COPB2: variants seen among roughly 807,000 people sequenced by gnomAD.
COPB2 encodes coatomer subunit beta'.
COPB2 carries 16 observed loss-of-function variants against 120.8 expected under a neutral mutation model. That is an observed-to-expected ratio of 0.13 (90% confidence interval 0.09 to 0.20). The LOEUF (loss-of-function observed/expected upper bound fraction) is 0.20, where lower values mean the gene tolerates loss of function less well. COPB2 is among the 10% of genes least tolerant of loss of function. COPB2 has a pLI of 1.00. For synonymous variants in COPB2, 332 were observed against 366.3 expected (o/e 0.91, Z 1.07); for missense variants, 794 against 1,076.5 (o/e 0.74, Z 3.67).
intron 16 of COPB2, 52 bp from the exon 17 acceptor site, chr3:139,361,347 A>C: frequency 1.3e-6 from 2 of 1,527,834 alleles, no homozygotes; most frequent in South Asian, 1.1e-5. Flanking sequence ...AAGCATTTAC[A>C]TTTCCAACAT....
chr3:139,370,587 C>A (rs1377433361), intron 10 of COPB2, among the ~76,000 whole-genome samples: 1 of 152,094 alleles, frequency 6.6e-6, no homozygotes, highest in Non-Finnish European at 1.5e-5. Flanking sequence ...AAAACTGTGA[C>A]AAATGGTTCA....
intron 2 of COPB2, 180 bp downstream of exon 2, chr3:139,383,118 T>G: frequency 1.4e-6 from 1 of 697,122 alleles, no homozygotes; most frequent in Non-Finnish European, 2.5e-6. Flanking sequence ...CCAGGACAGT[T>G]TCTCCTACAA....
chr3:139,388,197 T>C (rs148348408), intron 1 of COPB2: 1 of 152,142 alleles, frequency 6.6e-6, no homozygotes. Context: ...AGGTAGTTAG[T>C]AATACGAAGT....
chr3:139,367,098 G>A lies in COPB2; in HGVS notation c.1593C>T (p.Gly531=), dbSNP rs754179602. 3 of 1,613,622 alleles carry A rather than the reference G, an allele frequency of 1.9e-6. No homozygotes were observed. The highest frequency in any genetic ancestry group is 1.7e-5 in the Admixed American group (1 of 59,954). The part of the protein sequence containing the change: ...QEIVKTGLWV[G]DCFIYTSSVN... ...CAGAACTTGTGTAAATGAAGCAATC[G>A]CCTACCCAAAGCCCTGTTTTCACAA... Residue 531 remains glycine, a synonymous_variant, in exon 14 of 22, where the codon GGC becomes GGT. Coordinates refer to ENST00000333188, the MANE Select transcript of COPB2 (RefSeq NM_004766.3).
chr3:139,379,040 C>T lies in COPB2; in HGVS notation c.355+7G>A. The T allele has an allele frequency of 6.3e-7, 1 of 1,582,246 alleles. No homozygotes were observed. Among genetic ancestry groups the T allele is most frequent in the East Asian group, 2.2e-5 (1 of 44,548 alleles). ...GACGCACATGACCAAAAAAGGTCAT[C>T]TCTTACCACTGCTAGTTAGAATGAA... On this transcript the variant is annotated splice_region_variant and intron_variant, in intron 4 of 21. Coordinates refer to ENST00000333188, the MANE Select transcript of COPB2 (RefSeq NM_004766.3).
intron 17 of COPB2, among the ~76,000 whole-genome samples, chr3:139,360,120 T>G (rs1039320523): frequency 2.6e-5 from 4 of 151,172 alleles, no homozygotes; most frequent in Admixed American, 2.6e-4. Context: ...TACAGGTATA[T>G]AAATTCATAA....
rs754065585 is a variant in COPB2, at chr3:139,368,223, C to T, written c.1467G>A (p.Lys489=). The T allele has an allele frequency of 8.1e-6, 13 of 1,613,730 alleles. No individual in the cohort carries two copies. Among genetic ancestry groups the T allele is most frequent in the East Asian group, 2.2e-5 (1 of 44,876 alleles). Residue 489 remains lysine (K), a synonymous_variant, in exon 13 of 22, where the codon AAG becomes AAA. Transcript: ENST00000333188. Reference sequence around the variant, plus strand: ...CAGCCAAGACTTTTTCTGACAGATACTTAAGGATAAAAAATGATTCCTCAG... The same window carrying T: ...CAGCCAAGACTTTTTCTGACAGATATTTAAGGATAAAAAATGATTCCTCAG... The part of the protein sequence containing the change: ...IATEESFFIL[K]YLSEKVLAAQ...
chr3:139,359,514 T>TA, intron 17 of COPB2, 152 bp from the exon 18 acceptor site: 1 of 672,448 alleles, frequency 1.5e-6, no homozygotes, highest in Non-Finnish European at 2.6e-6. Context: ...TAATGGTTGT[T>TA]AATCAACACA....
rs774002954 is a variant in COPB2, at chr3:139,379,073, G to A, written c.329C>T (p.Thr110Ile). 2.5e-6 allele frequency: 4 copies of A among 1,608,076 alleles called. No homozygotes were observed. The highest frequency in any genetic ancestry group is 2.2e-5 in the South Asian group (2 of 89,534). ...DYIRCIAVHP[T>I]QPFILTSSDD... ...ACTGCTAGTTAGAATGAAAGGCTGG[G>A]TTGGATGAACAGCAATACAGCGAAT... Residue 110 changes from threonine (T) to isoleucine (I), a missense_variant, in exon 4 of 22, where the codon ACC becomes ATC. This residue lies in a region of COPB2 where 610 missense variants were observed against 866.7 expected (regional missense o/e 0.70). Transcript: ENST00000333188.
intron 9 of COPB2, among the ~76,000 whole-genome samples, 199 bp from the exon 10 acceptor site, chr3:139,372,032 A>G (rs1405488310): frequency 6.6e-6 from 1 of 152,248 alleles, no homozygotes. Context: ...ACAAATTGAA[A>G]AGGAAATTAT....
intron 9 of COPB2, among the ~76,000 whole-genome samples, chr3:139,372,359 G>A (rs1239437608): frequency 1.3e-5 from 2 of 152,180 alleles, no homozygotes; most frequent in Non-Finnish European, 2.9e-5. Flanking sequence ...TGAGAAAACA[G>A]AATGCTGCAG....
At chr3:139,361,402 T>G (rs1941417115) in intron 16 of COPB2, 107 bp from the exon 17 acceptor site, 2 of 1,113,654 alleles carry the variant, frequency 1.8e-6, no homozygotes, top group African/African-American at 3.2e-5. Context: ...AGAGCTGTGT[T>G]TGTTAAGTTG....
intron 17 of COPB2, 134 bp downstream of exon 17, chr3:139,360,947 G>A: frequency 1.1e-6 from 1 of 915,378 alleles, no homozygotes; most frequent in Non-Finnish European, 1.7e-6. Flanking sequence ...AGGCAGCACT[G>A]TCCTGTTCTG....
In COPB2 at chr3:139,366,516, C is replaced by T. The variant is rs952144122; in HGVS notation, c.1884+52G>A. The T allele has an allele frequency of 2.0e-6, 3 of 1,508,576 alleles. No individual in the cohort carries two copies. In the African/African-American group the frequency reaches 4.2e-5, roughly 21 times the overall value. The allele number at this position is 1,508,576 out of a possible 1,614,324, so 93.4% of individuals were successfully genotyped here. ...AGTTTTTCAACTCCATAATAATTTG[C>T]TTTCAAATTGCAAGTTTTAAAAAAC... On this transcript the variant is annotated intron_variant, in intron 15 of 21. Coordinates refer to ENST00000333188, the MANE Select transcript of COPB2 (RefSeq NM_004766.3).
At chr3:139,389,359 T>G (rs1942005081) in intron 1 of COPB2, 189 bp downstream of exon 1, 1 of 948,722 alleles carries the variant, frequency 1.1e-6, no homozygotes, top group African/African-American at 1.7e-5. Flanking sequence ...CCTCCCCAAA[T>G]CACCCCGGTC....
chr3:139,365,163 T>TA (rs2107799254), intron 15 of COPB2, among the ~76,000 whole-genome samples: 1 of 152,170 alleles, frequency 6.6e-6, no homozygotes, highest in South Asian at 2.1e-4. Flanking sequence ...AGTTTCCCAT[T>TA]AAAAAAGCTC....
intron 2 of COPB2, chr3:139,380,299 C>A (rs72986758): frequency 0.14 from 21,665 of 152,196 alleles, 2,160 homozygotes; most frequent in African/African-American, 0.29. Flanking sequence ...GCGTGAGCCA[C>A]TGCACCTAGT....
chr3:139,372,369 G>A (rs965373103), intron 9 of COPB2, among the ~76,000 whole-genome samples: 1 of 152,208 alleles, frequency 6.6e-6, no homozygotes, highest in Non-Finnish European at 1.5e-5. Flanking sequence ...GAATGCTGCA[G>A]AGTCAACGAA....
chr3:139,372,687 T>C (rs1396024329), intron 9 of COPB2, among the ~76,000 whole-genome samples: 3 of 152,226 alleles, frequency 2.0e-5, no homozygotes, highest in African/African-American at 4.8e-5. Flanking sequence ...TAGACTTCAC[T>C]GTGCTAGAAA....
Sources: gnomAD v4.1 joint callset for allele counts (sites outside exome capture counted in the v4.1 genomes callset) on GRCh38, gnomAD v4.1.1 for gene constraint, gnomAD v4.1.1 regional missense constraint, MANE v1.5 for transcripts, NCBI Gene and HGNC (gene_info 2026-07-23, HGNC 2026-07-21) for gene names.